CCDC39: variants seen among roughly 807,000 people sequenced by gnomAD.
The protein encoded by CCDC39 is coiled-coil domain-containing protein 39.
CCDC39 carries 113 observed loss-of-function variants against 121.0 expected under a neutral mutation model. The observed-to-expected ratio is 0.93, with a 90% CI of 0.80 to 1.09. CCDC39 has a LOEUF of 1.09. Among genes scored for constraint, CCDC39 ranks in the 50% least tolerant of loss-of-function variants. The pLI, the probability that CCDC39 is intolerant of heterozygous loss-of-function variation, is 0.00. For missense variants in CCDC39, 1,063 were observed against 1,074.7 expected, an observed-to-expected ratio of 0.99 and a Z score of 0.15; for synonymous variants, 349 against 352.2, an observed-to-expected ratio of 0.99 and a Z score of 0.10.
chr3:180,678,428 T>C (rs1190044364), intron 1 of CCDC39, among the ~76,000 whole-genome samples: 1 of 152,238 alleles, frequency 6.6e-6, no homozygotes, highest in East Asian at 1.9e-4. Context: ...TCATCTGTTA[T>C]TCTTGGACCT....
rs1717253977 is a variant in CCDC39, at chr3:180,616,605, G to C, written c.2497C>G (p.Gln833Glu). 2.5e-6 allele frequency: 4 copies of C among 1,598,582 alleles called. No individual in the cohort carries two copies. The East Asian group carries it at 9.0e-5, about 36-fold the overall frequency. The change falls in exon 18 of 20, where the codon CAG becomes GAG. Residue 833 changes from glutamine (Q) to glutamate (E), a missense_variant. By Grantham distance (29) the Gln-to-Glu change is conservative. Transcript: ENST00000476379. ...ATTTCATCAATAACTTTGTGAAACT[G>C]TTTCATTTCACGAAGTTTGATGTCT... Reference protein sequence around the residue: ...EQDIKLREMKQFHKVIDEMLV... With the variant: ...EQDIKLREMKEFHKVIDEMLV...
chr3:180,657,862 GAAACT>G (rs1711622583), intron 6 of CCDC39, among the ~76,000 whole-genome samples: 6 of 152,278 alleles, frequency 3.9e-5, no homozygotes, highest in South Asian at 4.1e-4. Context: ...TTGGCCAAAA[GAAACT>G]CTGCTTCCAT....
chr3:180,643,990 A>G, intron 12 of CCDC39, 130 bp downstream of exon 12: 1 of 645,104 alleles, frequency 1.6e-6, no homozygotes, highest in Non-Finnish European at 2.4e-6. Context: ...AGACTTTAAC[A>G]CTGTTTATAT....
At chr3:180,616,178 G>C (rs1274132153) in intron 19 of CCDC39, 103 bp downstream of exon 19, 1 of 889,752 alleles carries the variant, frequency 1.1e-6, no homozygotes, top group Non-Finnish European at 1.9e-6. Flanking sequence ...CTGGCAGTGA[G>C]TGCATGGGCC....
intron 14 of CCDC39, among the ~76,000 whole-genome samples, chr3:180,628,069 A>G (rs1400248471): frequency 6.6e-6 from 1 of 152,176 alleles, no homozygotes; most frequent in South Asian, 2.1e-4. Flanking sequence ...TGCATTTACA[A>G]ACTAAGGAAC....
chr3:180,664,124 T>G, intron 1 of CCDC39, 138 bp from the exon 2 acceptor site: 1 of 712,384 alleles, frequency 1.4e-6, no homozygotes, highest in South Asian at 2.0e-5. Flanking sequence ...TATCATAGAC[T>G]AGGTAGCTTA....
intron 7 of CCDC39, among the ~76,000 whole-genome samples, chr3:180,652,812 T>A (rs558319729): frequency 6.6e-6 from 1 of 152,278 alleles, no homozygotes; most frequent in Non-Finnish European, 1.5e-5. Flanking sequence ...CAGTAAGGTT[T>A]CTGGATACAA....
chr3:180,649,294 C>G (rs545355273), intron 9 of CCDC39, among the ~76,000 whole-genome samples: 1 of 152,170 alleles, frequency 6.6e-6, no homozygotes, highest in South Asian at 2.1e-4. Context: ...TGTCTTGACC[C>G]GGAAGCCTCA....
intron 9 of CCDC39, among the ~76,000 whole-genome samples, chr3:180,650,915 T>TA (rs1261630191): frequency 6.6e-6 from 1 of 151,084 alleles, no homozygotes; most frequent in Non-Finnish European, 1.5e-5. Flanking sequence ...ATTAGTAGCT[T>TA]AAAAAGAGAG....
chr3:180,616,177 A>G (rs1431415030), intron 19 of CCDC39, 104 bp downstream of exon 19: 3 of 866,584 alleles, frequency 3.5e-6, no homozygotes, highest in African/African-American at 1.7e-5. Context: ...ACTGGCAGTG[A>G]GTGCATGGGC....
At chr3:180,640,350 T>TA (rs1388580597) in intron 13 of CCDC39, among the ~76,000 whole-genome samples, 1 of 152,100 alleles carries the variant, frequency 6.6e-6, no homozygotes, top group East Asian at 1.9e-4. Flanking sequence ...GGGTTTTTTT[T>TA]ACTTCAAAAC....
intron 11 of CCDC39, among the ~76,000 whole-genome samples, 173 bp from the exon 12 acceptor site, chr3:180,644,430 G>A (rs1410981201): frequency 2.0e-5 from 3 of 152,024 alleles, no homozygotes; most frequent in Admixed American, 1.3e-4. Context: ...CACATGGATA[G>A]TCACATAGAA....
chr3:180,671,323 T>C (rs949037287), intron 1 of CCDC39, among the ~76,000 whole-genome samples: 1 of 151,982 alleles, frequency 6.6e-6, no homozygotes, highest in Non-Finnish European at 1.5e-5. Flanking sequence ...CCTAAGTATA[T>C]GTATAATTAA....
intron 13 of CCDC39, among the ~76,000 whole-genome samples, chr3:180,638,813 TAAA>T (rs1385335671): frequency 6.6e-6 from 1 of 151,924 alleles, no homozygotes; most frequent in Non-Finnish European, 1.5e-5. Flanking sequence ...ACCTTCCAAA[TAAA>T]GAAAAGGCTA....
At chr3:180,628,112 G>A (rs1157524112) in intron 14 of CCDC39, among the ~76,000 whole-genome samples, 1 of 152,166 alleles carries the variant, frequency 6.6e-6, no homozygotes, top group Non-Finnish European at 1.5e-5. Context: ...CCAGAAGCTA[G>A]GAGAGAGGCA....
chr3:180,633,230 C>T (rs1189297162), intron 13 of CCDC39, among the ~76,000 whole-genome samples: 1 of 152,162 alleles, frequency 6.6e-6, no homozygotes, highest in African/African-American at 2.4e-5. Flanking sequence ...TACCAGTTAG[C>T]TACCAATATC....
rs1417653747 is a variant in CCDC39, at chr3:180,619,355, A to G, written c.2169T>C (p.Tyr723=). Residue 723 remains tyrosine (Y), a synonymous_variant, in exon 16 of 20, where the codon TAT becomes TAC. Coordinates refer to ENST00000476379, the MANE Select transcript of CCDC39 (RefSeq NM_181426.2). ...GTTCTTCTAGTTGAATTTTTAGCTC[A>G]TACTCATCACCTGAAATGTAGAACA... The part of the protein sequence containing the change: ...FKKVTPSSDE[Y]ELKIQLEEQK... The G allele has an allele frequency of 1.3e-6, 2 of 1,484,916 alleles. No individual in the cohort carries two copies. Among genetic ancestry groups the G allele is most frequent in the African/African-American group, 2.8e-5 (2 of 71,456 alleles). The allele number at this position is 1,484,916 out of a possible 1,614,324, so 92.0% of individuals were successfully genotyped here.
At position 180,615,567 on chromosome 3, in the gene CCDC39, A is replaced by C. The variant is rs1449698922; in HGVS notation, c.2670-490T>G. Among the ~76,000 whole-genome samples the C allele has an allele frequency of 1.4e-4, 22 of 152,286 alleles. No individual in the cohort carries two copies. In the South Asian group the frequency reaches 4.6e-3, roughly 32 times the overall value. Reference sequence around the variant, plus strand: ...TTAAATATATATTTTATGAAAGTACAGGGATGTTCAGTTATATAGAAACAG... The same window carrying C: ...TTAAATATATATTTTATGAAAGTACCGGGATGTTCAGTTATATAGAAACAG... On this transcript the variant is annotated intron_variant, in intron 19 of 19. Coordinates refer to ENST00000476379, the MANE Select transcript of CCDC39 (RefSeq NM_181426.2).
chr3:180,676,747 T>G (rs1283239871), intron 1 of CCDC39, among the ~76,000 whole-genome samples: 1 of 152,082 alleles, frequency 6.6e-6, no homozygotes, highest in Non-Finnish European at 1.5e-5. Context: ...AACCCAAATG[T>G]CCAACAATGA....
Sources: gnomAD v4.1 joint callset for allele counts (sites outside exome capture counted in the v4.1 genomes callset) on GRCh38, gnomAD v4.1.1 for gene constraint, MANE v1.5 for transcripts, NCBI Gene and HGNC (gene_info 2026-07-23, HGNC 2026-07-21) for gene names.